The following GADL1 variants were observed in gnomAD, a reference collection of about 807,000 sequenced individuals.
GADL1 encodes the protein GAD like acidic amino acid decarboxylase 1, also known as acidic amino acid decarboxylase GADL1.
In GADL1, 71 loss-of-function variants were observed where a neutral mutation model predicts 69.5. The observed-to-expected ratio is 1.02, with a 90% confidence interval of 0.84 to 1.25. The LOEUF is 1.25. Among genes scored for constraint, GADL1 ranks in the 50% most tolerant of loss-of-function variants. The pLI is 0.00. For synonymous variants in GADL1, 254 were observed against 214.4 expected, an observed-to-expected ratio of 1.18 and a Z score of -1.62; for missense variants, 737 against 631.8, an observed-to-expected ratio of 1.17 and a Z score of -1.79.
rs755666784 is a variant in GADL1 at position 30,728,287 on chromosome 3, C to T, written c.1521G>A (p.Met507Ile). 2 of 1,613,706 alleles carry T rather than the reference C, an allele frequency of 1.2e-6. No individual in the cohort carries two copies. The highest frequency in any genetic ancestry group is 1.3e-5 in the African/African-American group (1 of 74,900). ...VISPQVSRED[M>I]DFLLDEIDLL... ...AGTCTATCTCATCCAGGAGGAAGTC[C>T]ATGTCCTCCCGGCTCACTTGAGGGC... The change falls in exon 15 of 15, where the codon ATG becomes ATA. Residue 507 changes from methionine to isoleucine, a missense_variant. Transcript: ENST00000282538.
intron 14 of GADL1, among the ~76,000 whole-genome samples, chr3:30,744,104 C>T (rs920613473): frequency 3.3e-5 from 5 of 152,092 alleles, no homozygotes; most frequent in African/African-American, 1.2e-4. Flanking sequence ...TTTGTTGCTG[C>T]AGTGTAACTA....
chr3:30,737,836 G>A (rs191018321), intron 14 of GADL1, among the ~76,000 whole-genome samples: 1 of 152,238 alleles, frequency 6.6e-6, no homozygotes, highest in East Asian at 1.9e-4. Flanking sequence ...CCTCATTCAT[G>A]TTCTTTCCAA....
intron 1 of GADL1, among the ~76,000 whole-genome samples, chr3:30,866,024 TCA>T (rs979300243): frequency 1.1e-4 from 17 of 152,218 alleles, no homozygotes; most frequent in African/African-American, 3.8e-4. Flanking sequence ...AAATATTGTT[TCA>T]GATTTTGAGA....
chr3:30,743,884 T>C (rs1176719649), intron 14 of GADL1, among the ~76,000 whole-genome samples: 2 of 152,202 alleles, frequency 1.3e-5, no homozygotes, highest in Admixed American at 1.3e-4. Context: ...ATTGTGTGTT[T>C]CTGCCAGGCT....
chr3:30,835,932 C>G (rs1697865211), intron 9 of GADL1, among the ~76,000 whole-genome samples: 1 of 152,112 alleles, frequency 6.6e-6, no homozygotes, highest in South Asian at 2.1e-4. Flanking sequence ...CAAATGCCCT[C>G]AGCATCTAGG....
At chr3:30,825,989 T>G (rs1697675432) in intron 11 of GADL1, among the ~76,000 whole-genome samples, 1 of 151,918 alleles carries the variant, frequency 6.6e-6, no homozygotes, top group African/African-American at 2.4e-5. Flanking sequence ...AAAAGGCAGA[T>G]ACTTGGAATC....
chr3:30,741,021 A>ATTATATATTAAT (rs1448117660), intron 14 of GADL1, among the ~76,000 whole-genome samples: 5 of 87,658 alleles, frequency 5.7e-5, no homozygotes, highest in African/African-American at 4.3e-4. Flanking sequence ...TATATTATAT[A>ATTATATATTAAT]ATATATTATA....
chr3:30,809,378 A>G lies in GADL1; in HGVS notation c.1051-8290T>C, dbSNP rs76937635. Among the ~76,000 whole-genome samples, 603 of 152,330 alleles carry G rather than the reference A, an allele frequency of 4.0e-3. 4 individuals carry two copies. Among genetic ancestry groups the G allele is most frequent in the Middle Eastern group, 0.02 (6 of 294 alleles). On this transcript the variant is annotated intron_variant, in intron 11 of 14. Coordinates refer to ENST00000282538, the MANE Select transcript of GADL1 (RefSeq NM_207359.3). ...GTCACAATTATTTTTTGAATTTACCATCAAATCTGAATTCCTATTTGCCTT... is the reference window on the plus strand; with the variant it reads ...GTCACAATTATTTTTTGAATTTACCGTCAAATCTGAATTCCTATTTGCCTT...
intron 12 of GADL1, among the ~76,000 whole-genome samples, chr3:30,787,197 GA>G (rs554960249): frequency 2.7e-5 from 4 of 149,556 alleles, no homozygotes; most frequent in Non-Finnish European, 6.0e-5. Context: ...AAAAATACAA[GA>G]AAAAAAATTA....
At chr3:30,773,299 T>TG (rs746376655) in intron 14 of GADL1, among the ~76,000 whole-genome samples, 5 of 152,126 alleles carry the variant, frequency 3.3e-5, no homozygotes, top group African/African-American at 4.8e-5. Context: ...TTCTGGCCCT[T>TG]GGGGGAATAC....
intron 14 of GADL1, among the ~76,000 whole-genome samples, chr3:30,753,573 A>AT (rs906849193): frequency 3.3e-5 from 5 of 151,826 alleles, no homozygotes; most frequent in Non-Finnish European, 7.4e-5. Flanking sequence ...GCTCTTTCAA[A>AT]CAAGCGTCGG....
chr3:30,776,065 G>A (rs575962582), intron 14 of GADL1, among the ~76,000 whole-genome samples: 7 of 151,148 alleles, frequency 4.6e-5, no homozygotes, highest in East Asian at 2.0e-4. Context: ...CAGCCTGGGC[G>A]ACAGCAAGAC....
chr3:30,802,541 G>A (rs1007909087), intron 11 of GADL1, among the ~76,000 whole-genome samples: 1 of 152,172 alleles, frequency 6.6e-6, no homozygotes, highest in African/African-American at 2.4e-5. Flanking sequence ...CTTCTGATCA[G>A]AGAATGTATT....
At chr3:30,851,801 T>A (rs1038875239) in intron 4 of GADL1, among the ~76,000 whole-genome samples, 1 of 152,112 alleles carries the variant, frequency 6.6e-6, no homozygotes, top group Non-Finnish European at 1.5e-5. Context: ...CTTTCTTGCA[T>A]CCTCCTCCTC....
At chr3:30,879,787 AAT>A (rs1444669003) in intron 1 of GADL1, among the ~76,000 whole-genome samples, 11 of 152,062 alleles carry the variant, frequency 7.2e-5, no homozygotes, top group African/African-American at 2.2e-4. Context: ...GGTGCACAAA[AAT>A]ATCTTTTCTG....
chr3:30,756,037 C>T (rs2125481640), intron 14 of GADL1, among the ~76,000 whole-genome samples: 1 of 152,134 alleles, frequency 6.6e-6, no homozygotes, highest in African/African-American at 2.4e-5. Context: ...AACCTTGGGA[C>T]TGTGCAGGAG....
rs564803337 is a variant in GADL1, at chr3:30,766,199, C to T, written c.1392+11980G>A. 1.3e-4 allele frequency among the ~76,000 whole-genome samples: 20 copies of T among 152,066 alleles called. No individual in the cohort carries two copies. In the East Asian group the frequency reaches 3.1e-3, roughly 24 times the overall value. ...CAGGAGGAAATTGAACATGGGGCACCAAGAATGAAGAGGTGGTAGAATATA... is the reference window on the plus strand; with the variant it reads ...CAGGAGGAAATTGAACATGGGGCACTAAGAATGAAGAGGTGGTAGAATATA... On this transcript the variant is annotated intron_variant, in intron 14 of 14. Transcript: ENST00000282538.
intron 1 of GADL1, among the ~76,000 whole-genome samples, chr3:30,883,727 C>T (rs1176221319): frequency 6.6e-6 from 1 of 151,898 alleles, no homozygotes; most frequent in Non-Finnish European, 1.5e-5. Flanking sequence ...CTGTATATTG[C>T]TCTGGGTAGC....
intron 14 of GADL1, among the ~76,000 whole-genome samples, chr3:30,753,772 T>A (rs147368984): frequency 6.6e-6 from 1 of 152,198 alleles, no homozygotes; most frequent in Non-Finnish European, 1.5e-5. Context: ...TACAAATACA[T>A]GTGTTCCTAT....
Sources: allele counts gnomAD v4.1 joint callset (sites outside exome capture counted in the v4.1 genomes callset), GRCh38; gene constraint gnomAD v4.1.1; transcripts MANE v1.5; gene names NCBI Gene and HGNC (gene_info 2026-07-23, HGNC 2026-07-21).